The following ADGRL2 variants were observed in gnomAD, a reference collection of about 807,000 sequenced individuals.
ADGRL2 encodes adhesion G protein-coupled receptor L2.
A neutral mutation model predicts 157.4 loss-of-function variants in ADGRL2; 44 were observed. The observed-to-expected ratio is 0.28, with a 90% confidence interval of 0.22 to 0.36. The LOEUF is 0.36. ADGRL2 is among the 10% of genes least tolerant of loss of function. ADGRL2 has a pLI of 1.00. For missense variants in ADGRL2, 1,510 were observed against 1,768.9 expected, an observed-to-expected ratio of 0.85 and a Z score of 2.63; for synonymous variants, 585 against 624.7, an observed-to-expected ratio of 0.94 and a Z score of 0.95.
At chr1:81,757,165 C>G (rs1005162528) in intron 1 of ADGRL2, among the ~76,000 whole-genome samples, 2 of 152,064 alleles carry the variant, frequency 1.3e-5, no homozygotes, top group Admixed American at 1.3e-4. Context: ...TGACCATTTG[C>G]TAGCAAAACC....
intron 1 of ADGRL2, among the ~76,000 whole-genome samples, chr1:81,818,995 GGT>G (rs765229470): frequency 5.3e-5 from 8 of 152,078 alleles, no homozygotes; most frequent in Non-Finnish European, 8.8e-5. Flanking sequence ...AGATGAAACG[GGT>G]GTGTTAGTTT....
chr1:81,455,786 A>G lies in ADGRL2; in HGVS notation c.-248+10697A>G, dbSNP rs1275507943. ...AGCATCAAGCGCTCAGAGGAATTTG[A>G]AACGTGAAAGACATTGGAGTTAGAG... On this transcript the variant is annotated intron_variant, in intron 2 of 24. Transcript: ENST00000370721. 2.0e-5 allele frequency among the ~76,000 whole-genome samples: 3 copies of G among 152,344 alleles called. No individual in the cohort carries two copies. In the Middle Eastern group the frequency reaches 0.01, roughly 518 times the overall value.
intron 3 of ADGRL2, among the ~76,000 whole-genome samples, chr1:81,624,426 C>A (rs1375220375): frequency 6.6e-6 from 1 of 151,852 alleles, no homozygotes; most frequent in Non-Finnish European, 1.5e-5. Context: ...ACTAAAAATA[C>A]AAAAATTAGC....
intron 2 of ADGRL2, among the ~76,000 whole-genome samples, chr1:81,530,459 C>T (rs1191315255): frequency 2.0e-5 from 3 of 152,032 alleles, no homozygotes; most frequent in Admixed American, 6.5e-5. Flanking sequence ...GCAGTCCTCC[C>T]ACCTCAGCTA....
At chr1:81,780,413 T>C (rs1290814237) in intron 2 of ADGRL2, among the ~76,000 whole-genome samples, 1 of 152,126 alleles carries the variant, frequency 6.6e-6, no homozygotes, top group African/African-American at 2.4e-5. Flanking sequence ...AGATTCATCA[T>C]GTATCAGAAC....
At chr1:81,846,956 T>G (rs945819728) in intron 2 of ADGRL2, among the ~76,000 whole-genome samples, 1 of 151,432 alleles carries the variant, frequency 6.6e-6, no homozygotes, top group Non-Finnish European at 1.5e-5. Flanking sequence ...TAGGTTGAGT[T>G]TATTTCCTTG....
At chr1:81,987,989 A>G in intron 23 of ADGRL2, 103 bp downstream of exon 23, 1 of 253,698 alleles carries the variant, frequency 3.9e-6, no homozygotes, top group South Asian at 4.4e-5. Flanking sequence ...AAGTAGACTC[A>G]GCGGGCAAGT....
chr1:81,717,761 A>C (rs1230084344), intron 1 of ADGRL2, among the ~76,000 whole-genome samples: 1 of 152,206 alleles, frequency 6.6e-6, no homozygotes, highest in Non-Finnish European at 1.5e-5. Flanking sequence ...AACTAAAATG[A>C]CAATAGCAGA....
At chr1:81,825,449 A>G (rs2091385247) in intron 1 of ADGRL2, among the ~76,000 whole-genome samples, 1 of 151,970 alleles carries the variant, frequency 6.6e-6, no homozygotes, top group African/African-American at 2.4e-5. Flanking sequence ...CCCAGGTTCA[A>G]GTGATTCCCC....
chr1:81,482,943 C>A (rs894819524), intron 2 of ADGRL2, among the ~76,000 whole-genome samples: 2 of 152,064 alleles, frequency 1.3e-5, no homozygotes, highest in Non-Finnish European at 2.9e-5. Context: ...TGTTCACTTT[C>A]TCTTCCATGA....
At chr1:81,982,202 T>G (rs1210120529) in intron 19 of ADGRL2, among the ~76,000 whole-genome samples, 1 of 151,934 alleles carries the variant, frequency 6.6e-6, no homozygotes, top group Non-Finnish European at 1.5e-5. Flanking sequence ...ACTAGATACT[T>G]AGGTTAAGAT....
intron 1 of ADGRL2, among the ~76,000 whole-genome samples, chr1:81,335,163 C>T (rs1661547032): frequency 6.6e-6 from 1 of 152,136 alleles, no homozygotes; most frequent in Admixed American, 6.5e-5. Flanking sequence ...TATGAATCAT[C>T]TTATAATAAC....
rs183297037 is a variant in ADGRL2, at chr1:81,474,768, A to G, written c.-248+29679A>G. On this transcript the variant is annotated intron_variant, in intron 2 of 24. Coordinates refer to the ADGRL2 transcript ENST00000370721. Reference sequence around the variant, plus strand: ...AGTTATTGAACATTTTTCAGTCAGTAAGATCCTTATGAAATTTCTTCCATC... The same window carrying G: ...AGTTATTGAACATTTTTCAGTCAGTGAGATCCTTATGAAATTTCTTCCATC... Among the ~76,000 whole-genome samples the G allele has an allele frequency of 1.7e-4, 26 of 152,342 alleles. No homozygotes were observed. In the East Asian group the frequency reaches 4.8e-3, roughly 28 times the overall value.
intron 2 of ADGRL2, among the ~76,000 whole-genome samples, chr1:81,876,034 T>C (rs886230304): frequency 2.0e-5 from 3 of 152,180 alleles, no homozygotes; most frequent in African/African-American, 7.2e-5. Context: ...AATTATGTTT[T>C]TGTTTTTCAA....
chr1:81,656,110 C>T (rs1226155927), intron 3 of ADGRL2, among the ~76,000 whole-genome samples: 1 of 152,204 alleles, frequency 6.6e-6, no homozygotes, highest in Non-Finnish European at 1.5e-5. Context: ...CTATCTCCCA[C>T]TAGATCTCTA....
chr1:81,306,309 A>G (rs898200002), exon 1 of ADGRL2: 1 of 152,122 alleles, frequency 6.6e-6, no homozygotes, highest in Non-Finnish European at 1.5e-5. Flanking sequence ...CGTGGCTCTC[A>G]ATGCCTGGTT....
At chr1:81,766,147 G>A (rs1045516343) in intron 2 of ADGRL2, among the ~76,000 whole-genome samples, 1 of 152,050 alleles carries the variant, frequency 6.6e-6, no homozygotes, top group African/African-American at 2.4e-5. Flanking sequence ...TTACAAGAGG[G>A]AGTTCACTCT....
At chr1:81,438,371 A>G (rs958855998) in intron 1 of ADGRL2, among the ~76,000 whole-genome samples, 1 of 152,202 alleles carries the variant, frequency 6.6e-6, no homozygotes, top group Non-Finnish European at 1.5e-5. Flanking sequence ...AAAGGTAATA[A>G]ATACACACAT....
At chr1:81,408,401 T>C (rs576922419) in intron 1 of ADGRL2, among the ~76,000 whole-genome samples, 165 of 152,316 alleles carry the variant, frequency 1.1e-3, no homozygotes, top group African/African-American at 3.8e-3. Context: ...AAAGTAAATA[T>C]AAACCATTCC....
Sources: allele counts gnomAD v4.1 joint callset (sites outside exome capture counted in the v4.1 genomes callset), GRCh38; gene constraint gnomAD v4.1.1; transcripts MANE v1.5; gene names NCBI Gene and HGNC (gene_info 2026-07-23, HGNC 2026-07-21).